The following CUBN variants were observed in gnomAD, a reference collection of about 807,000 sequenced individuals.
CUBN encodes the protein 460 kDa receptor.
Under a neutral mutation model 405.3 loss-of-function variants are expected in CUBN, and 282 were observed. That is an observed-to-expected ratio of 0.70 (90% CI 0.63 to 0.77). The LOEUF (loss-of-function observed/expected upper bound fraction) is 0.77. Among genes scored for constraint, CUBN ranks in the 30% least tolerant of loss-of-function variants. The probability of loss-of-function intolerance (pLI) is 0.00; values close to 1 mark genes in which losing one functional copy is unlikely to be tolerated. For missense variants in CUBN, 4,514 were observed against 4,475.2 expected (o/e 1.01, Z -0.25); for synonymous variants, 1,684 against 1,617.0 (o/e 1.04, Z -0.99).
At position 17,115,570 on chromosome 10, in the gene CUBN, T is replaced by C. The variant is rs770232076; in HGVS notation, c.621A>G (p.Gly207=). The change falls in exon 7 of 67, where the codon GGA becomes GGG. Residue 207 remains glycine, a synonymous_variant. Coordinates refer to ENST00000377833, the MANE Select transcript of CUBN (RefSeq NM_001081.4). The stretch of plus-strand genomic sequence containing the variant: ...CGTCATATTTGGATGCACACTGGGG[T>C]CCGTACGTCTCAGGTGGGCAGTGAC... ...YSCHCPPETY[G]PQCASKYDDC... 1 of 1,614,026 alleles carries C rather than the reference T, an allele frequency of 6.2e-7. No individual in the cohort carries two copies. Among genetic ancestry groups the C allele is most frequent in the African/African-American group, 1.3e-5 (1 of 74,902 alleles).
At chr10:16,878,332 A>G (rs1352297526) in intron 56 of CUBN, among the ~76,000 whole-genome samples, 2 of 152,194 alleles carry the variant, frequency 1.3e-5, no homozygotes, top group Non-Finnish European at 2.9e-5. Context: ...AAGGAAAAAA[A>G]CCAGCCTAAC....
intron 39 of CUBN, among the ~76,000 whole-genome samples, chr10:16,936,684 A>C (rs772712685): frequency 2.6e-5 from 4 of 152,184 alleles, no homozygotes; most frequent in Admixed American, 1.3e-4. Context: ...TGAAATCCAT[A>C]AGAAACGCTC....
At chr10:17,013,459 G>T (rs7087902) in intron 28 of CUBN, among the ~76,000 whole-genome samples, 2,760 of 151,276 alleles carry the variant, frequency 0.018, 50 homozygotes, top group African/African-American at 0.048. Context: ...TTTCCTTTCT[G>T]CTGGTCTTTC....
rs938774827 is a variant in CUBN, at chr10:16,939,136, C to G, written c.5560G>C (p.Asp1854His). 1.2e-6 allele frequency: 2 copies of G among 1,613,380 alleles called. No individual in the cohort carries two copies. Among genetic ancestry groups the G allele is most frequent in the Non-Finnish European group, 1.7e-6 (2 of 1,179,484 alleles). Residue 1854 changes from aspartate (D) to histidine (H), a missense_variant, in exon 38 of 67, where the codon GAT (aspartate) becomes CAT (histidine). Around this residue, in one of 5 missense-constraint regions of CUBN, gnomAD observed 1,613 missense variants for 1,542.8 expected, o/e 1.05. Coordinates refer to ENST00000377833, the MANE Select transcript of CUBN (RefSeq NM_001081.4). ...QATFMKIFGN[D>H]NIVGTHGKVA... Reference sequence around the variant, plus strand: ...TTCCCATGAGTTCCCACAATATTATCATTGCCAAATACTAGGAGGGAAGAC... The same window carrying G: ...TTCCCATGAGTTCCCACAATATTATGATTGCCAAATACTAGGAGGGAAGAC...
intron 27 of CUBN, 28 bp downstream of exon 27, chr10:17,041,005 G>A: frequency 1.3e-6 from 2 of 1,592,646 alleles, no homozygotes; most frequent in South Asian, 1.1e-5. Context: ...TGAAAAAGCA[G>A]TGATCAATCA....
At chr10:16,902,800 T>G (rs1841433000) in intron 51 of CUBN, among the ~76,000 whole-genome samples, 1 of 152,120 alleles carries the variant, frequency 6.6e-6, no homozygotes, top group Non-Finnish European at 1.5e-5. Context: ...GGGTAAAGAA[T>G]GCAGGTTTGG....
intron 59 of CUBN, among the ~76,000 whole-genome samples, chr10:16,869,037 C>T (rs996773044): frequency 1.3e-4 from 20 of 152,118 alleles, no homozygotes; most frequent in Admixed American, 7.9e-4. Flanking sequence ...TTCTGCCCTT[C>T]CCTTTATCTC....
intron 10 of CUBN, among the ~76,000 whole-genome samples, chr10:17,106,368 G>A (rs979558796): frequency 4.0e-5 from 6 of 151,056 alleles, no homozygotes; most frequent in Non-Finnish European, 5.9e-5. Context: ...TTGGGAGGCC[G>A]AGGCAGGCGG....
chr10:16,944,591 C>A (rs533443740), intron 36 of CUBN, among the ~76,000 whole-genome samples: 54 of 152,318 alleles, frequency 3.5e-4, no homozygotes, highest in South Asian at 3.5e-3. Context: ...ACAGGCCTTG[C>A]CTTCTCATTA....
At chr10:16,848,894 G>A (rs1045006490) in intron 60 of CUBN, among the ~76,000 whole-genome samples, 1 of 151,712 alleles carries the variant, frequency 6.6e-6, no homozygotes, top group Non-Finnish European at 1.5e-5. Flanking sequence ...TGTAGAGACG[G>A]GTTCTCACTA....
At chr10:16,915,311 C>A in intron 46 of CUBN, 139 bp from the exon 47 acceptor site, 1 of 1,014,852 alleles carries the variant, frequency 9.9e-7, no homozygotes, top group Non-Finnish European at 1.5e-6. Flanking sequence ...TCTGTCAAGA[C>A]AACAGGAAAA....
chr10:16,847,769 C>G (rs111819280), intron 60 of CUBN, among the ~76,000 whole-genome samples: 1,632 of 152,272 alleles, frequency 0.011, 30 homozygotes, highest in African/African-American at 0.037. Context: ...CCAAGTCAAC[C>G]CTTTCACAAA....
chr10:17,020,480 T>G (rs1228852740), intron 27 of CUBN, among the ~76,000 whole-genome samples: 1 of 152,214 alleles, frequency 6.6e-6, no homozygotes, highest in Non-Finnish European at 1.5e-5. Context: ...AGCCATCCCT[T>G]CAAGAGGTAA....
At chr10:16,837,982 G>T (rs1839224490) in intron 62 of CUBN, among the ~76,000 whole-genome samples, 1 of 152,160 alleles carries the variant, frequency 6.6e-6, no homozygotes, top group East Asian at 1.9e-4. Context: ...CGTGAAGCCA[G>T]GGAAAATTGA....
intron 28 of CUBN, among the ~76,000 whole-genome samples, chr10:17,019,562 C>G (rs1335351730): frequency 6.6e-6 from 1 of 152,162 alleles, no homozygotes; most frequent in East Asian, 1.9e-4. Context: ...AAACTTCATT[C>G]TGCTTCTTTC....
Position 17,103,205 on chromosome 10 carries a change from T to C in CUBN, c.1450A>G (p.Ser484Gly), listed in dbSNP as rs750735519. 4.3e-5 allele frequency: 69 copies of C among 1,613,346 alleles called. 2 individuals are homozygous for C. Among genetic ancestry groups the C allele is most frequent in the Admixed American group, 3.0e-4 (18 of 60,012 alleles). Residue 484 changes from serine to glycine, a missense_variant, in exon 13 of 67, where the codon AGC becomes GGC. Ser to Gly is a moderately conservative substitution (Grantham distance 56). Around this residue, in one of 5 missense-constraint regions of CUBN, gnomAD observed 1,448 missense variants for 1,388.0 expected, o/e 1.04. Transcript: ENST00000377833. ...ACATCCGGGCTCCTGTAGCTGAAGC[T>C]TCCATTTATTCCTGAGAGGGACTCT... Reference protein sequence around the residue: ...CGESLSGINGSFSYRSPDVGY... With the variant: ...CGESLSGINGGFSYRSPDVGY...
At chr10:17,064,802 T>C (rs1228897494) in intron 22 of CUBN, among the ~76,000 whole-genome samples, 1 of 152,156 alleles carries the variant, frequency 6.6e-6, no homozygotes, top group East Asian at 1.9e-4. Flanking sequence ...GCAAAGGGCA[T>C]AGTAATAATG....
rs3012484 is a variant in CUBN, at chr10:16,982,405, C to T, written c.4695+79G>A. 1,028,672 of 1,244,388 alleles carry T rather than the reference C, an allele frequency of 0.83. 436,765 individuals carry two copies. The highest frequency in any genetic ancestry group is 0.89 in the Non-Finnish European group (758,490 of 850,886). 77.1% of individuals were successfully genotyped at this position (1,244,388 alleles called of 1,614,324 possible). ...ACATTAAAAACACCCATAAGTAATA[C>T]ATTCACTAAATATGCTTATATGGCA... On this transcript the variant is annotated intron_variant, in intron 31 of 66. Coordinates refer to ENST00000377833, the MANE Select transcript of CUBN (RefSeq NM_001081.4).
At chr10:16,957,983 C>T (rs577804277) in intron 31 of CUBN, among the ~76,000 whole-genome samples, 3 of 151,964 alleles carry the variant, frequency 2.0e-5, no homozygotes, top group South Asian at 4.2e-4. Context: ...AAATTTTCTC[C>T]GAAATTCAAA....
Sources: gnomAD v4.1 joint callset for allele counts (sites outside exome capture counted in the v4.1 genomes callset) on GRCh38, gnomAD v4.1.1 for gene constraint, gnomAD v4.1.1 regional missense constraint, MANE v1.5 for transcripts, NCBI Gene and HGNC (gene_info 2026-07-23, HGNC 2026-07-21) for gene names.